ATG2A: variants seen among roughly 807,000 people sequenced by gnomAD.
The protein encoded by ATG2A is autophagy-related protein 2 homolog A.
ATG2A carries 103 observed loss-of-function variants against 214.2 expected under a neutral mutation model. The observed-to-expected ratio is 0.48, with a 90% CI of 0.41 to 0.57. ATG2A has a LOEUF of 0.57. ATG2A is among the 20% of genes least tolerant of loss of function. ATG2A has a pLI of 0.00. For synonymous variants in ATG2A, 1,160 were observed against 1,142.1 expected (o/e 1.02, Z -0.32); for missense variants, 2,312 against 2,613.2 (o/e 0.88, Z 2.51).
intron 24 of ATG2A, among the ~76,000 whole-genome samples, chr11:64,905,293 C>G (rs1944501733): frequency 6.6e-6 from 1 of 152,186 alleles, no homozygotes; most frequent in Non-Finnish European, 1.5e-5. Flanking sequence ...TTAACTTATA[C>G]TCCATAAGCA....
Position 64,907,562 on chromosome 11 carries a change from G to A in ATG2A, c.2610C>T (p.His870=), listed in dbSNP as rs199908819. Residue 870 remains histidine, a synonymous_variant, in exon 18 of 41, where the codon CAC becomes CAT. Coordinates refer to ENST00000377264, the MANE Select transcript of ATG2A (RefSeq NM_015104.3). The stretch of plus-strand genomic sequence containing the variant: ...CTGACTTGCACATCTTAAAGCTGTC[G>A]TGCCAGAAGCCTGAGGGGCCGGGGA... ...SGFPGPSGFW[H]DSFKMCKSAF... 9.3e-6 allele frequency: 15 copies of A among 1,611,724 alleles called. No homozygotes were observed. Among genetic ancestry groups the A allele is most frequent in the Middle Eastern group, 1.7e-4 (1 of 6,054 alleles).
At chr11:64,900,409 T>C in intron 31 of ATG2A, 85 bp downstream of exon 31, 1 of 1,591,248 alleles carries the variant, frequency 6.3e-7, no homozygotes, top group Admixed American at 1.7e-5. Context: ...TTCCTCTGCA[T>C]TAGTCATTGC....
At chr11:64,911,331 G>A in intron 9 of ATG2A, 56 bp from the exon 10 acceptor site, 2 of 1,562,154 alleles carry the variant, frequency 1.3e-6, no homozygotes, top group Non-Finnish European at 1.8e-6. Flanking sequence ...TACCCCAGGT[G>A]GAGCAATAGT....
chr11:64,897,458 G>T lies in ATG2A; in HGVS notation c.5104C>A (p.Leu1702Ile). ...FAGLLIGLAQLNCSELKLKRL... is the reference protein window; with the variant it reads ...FAGLLIGLAQINCSELKLKRL... ...TTTAGCTTCAGCTCGGAGCAGTTGA[G>T]TTGGGCCAGGCCGATGAGGAGGCCA... Residue 1702 changes from leucine (L) to isoleucine (I), a missense_variant, in exon 37 of 41, where the codon CTC becomes ATC. Transcript: ENST00000377264. The T allele has an allele frequency of 6.3e-7, 1 of 1,576,460 alleles. No homozygotes were observed. Among genetic ancestry groups the T allele is most frequent in the Non-Finnish European group, 8.6e-7 (1 of 1,160,806 alleles).
rs550555886 is a variant in ATG2A at position 64,902,058 on chromosome 11, T to G, written c.4023A>C (p.Ser1341=). The change falls in exon 29 of 41, where the codon TCA becomes TCC. Residue 1341 remains serine, a synonymous_variant. Transcript: ENST00000377264. ...GGPAGSLGSC[S]EEKEDEREEE... is the part of the protein sequence containing the mutation. ...CTTCCCTTTCATCTTCCTTCTCCTC[T>G]GAGCATGACCCTAAGCTGCCAGCAG... The G allele has an allele frequency of 1.7e-5, 28 of 1,614,046 alleles. No homozygotes were observed. The highest frequency in any genetic ancestry group is 2.2e-5 in the Non-Finnish European group (26 of 1,180,018).
Position 64,894,892 on chromosome 11 carries a change from G to A in ATG2A, c.*81C>T, listed in dbSNP as rs770154457. On this transcript the variant is annotated 3_prime_UTR_variant, in exon 41 of 41. Transcript: ENST00000377264. ...TGGCCATCCCCTGAAGGGCCAGGCC[G>A]GGCCGGGCCCGTGGGCTGCAGCTCT... is the stretch of plus-strand genomic sequence containing the variant. 6 of 1,529,624 alleles carry A rather than the reference G, an allele frequency of 3.9e-6. No homozygotes were observed. Among genetic ancestry groups the A allele is most frequent in the Non-Finnish European group, 4.5e-6 (5 of 1,112,784 alleles). The allele number at this position is 1,529,624 out of a possible 1,614,324, so 94.8% of individuals were successfully genotyped here. A position where few individuals can be genotyped will look rare whatever the true frequency, so the allele number is the denominator to read the frequency against.
intron 24 of ATG2A, among the ~76,000 whole-genome samples, chr11:64,905,132 G>A (rs36039272): frequency 8.5e-5 from 13 of 152,078 alleles, no homozygotes; most frequent in Non-Finnish European, 1.9e-4. Flanking sequence ...GGGATTACAG[G>A]TGTGAGCCAC....
At chr11:64,896,302 C>G (rs1382227414) in intron 39 of ATG2A, among the ~76,000 whole-genome samples, 160 bp downstream of exon 39, 2 of 152,240 alleles carry the variant, frequency 1.3e-5, no homozygotes. Context: ...AGGTCCCAGG[C>G]AAGTCACTTA....
chr11:64,914,187 T>C lies in ATG2A; in HGVS notation c.381A>G (p.Thr127=). 1 of 1,553,628 alleles carries C rather than the reference T, an allele frequency of 6.4e-7. No homozygotes were observed. Among genetic ancestry groups the C allele is most frequent in the Non-Finnish European group, 8.7e-7 (1 of 1,148,480 alleles). ...GACACTCCTGGGCCAGCTGCAGGCT[T>C]GTGGTCATGCATGAGGCCCAGCTCT... ...DSQSWASCMT[T]SLQLAQECLR... The change falls in exon 3 of 41, where the codon ACA becomes ACG. Residue 127 remains threonine, a synonymous_variant. Transcript: ENST00000377264.
In ATG2A at chr11:64,895,126, G is replaced by GC; in HGVS notation, c.5663dup (p.Val1889ArgfsTer67). On this transcript the variant is annotated frameshift_variant, in exon 41 of 41. Transcript: ENST00000377264. LOFTEE classifies it high-confidence loss of function. The surrounding 1 kb of genome is among the most constrained non-coding windows in gnomAD (Gnocchi z 5.0). ...CAGTCGGGGGCAGCTGGCGGATCAC[G>GC]CCCCCCACGGCGCCCGTCAGCCCCT... 1 of 1,612,962 alleles carries GC rather than the reference G, an allele frequency of 6.2e-7. No individual in the cohort carries two copies.
In ATG2A at chr11:64,896,740, AC is replaced by A; in HGVS notation, c.5272+7del. ...CAGTTTCGAGGGCTTCCAAACCTAG[AC>A]ACTCACAGAGCTGGACAACCGAGTG... On this transcript the variant is annotated splice_region_variant and intron_variant, in intron 38 of 40. Transcript: ENST00000377264. 1 of 1,613,932 alleles carries A rather than the reference AC, an allele frequency of 6.2e-7. No homozygotes were observed. The highest frequency in any genetic ancestry group is 8.5e-7 in the Non-Finnish European group (1 of 1,179,786).
Position 64,917,198 on chromosome 11 carries a change from C to G in ATG2A, c.-63G>C. 1 of 1,509,758 alleles carries G rather than the reference C, an allele frequency of 6.6e-7. No homozygotes were observed. The highest frequency in any genetic ancestry group is 1.2e-5 in the South Asian group (1 of 80,358). The allele number at this position is 1,509,758 out of a possible 1,614,324, so 93.5% of individuals were successfully genotyped here. ...GCCCGCCGGCGATCCCCGTCCGGCT[C>G]CGCTGTTCACTAGAGCCCCCGGCTC... On this transcript the variant is annotated 5_prime_UTR_variant, in exon 1 of 41. Coordinates refer to ENST00000377264, the MANE Select transcript of ATG2A (RefSeq NM_015104.3).
Position 64,904,146 on chromosome 11 carries a change from T to A in ATG2A, c.3465-486A>T, listed in dbSNP as rs750257438. On this transcript the variant is annotated intron_variant, in intron 24 of 40. Coordinates refer to ENST00000377264, the MANE Select transcript of ATG2A (RefSeq NM_015104.3). ...CTGTAATCCCAGCTACTTGGAAGGC[T>A]GAGGCAGGAGAATCTCTTGAACTAG... Among the ~76,000 whole-genome samples, 32 of 151,970 alleles carry A rather than the reference T, an allele frequency of 2.1e-4. 1 individual carries two copies. Among genetic ancestry groups the A allele is most frequent in the Non-Finnish European group, 2.6e-4 (18 of 67,994 alleles).
chr11:64,902,225 C>A (rs1300396579), intron 28 of ATG2A, 35 bp downstream of exon 28: 7 of 1,613,036 alleles, frequency 4.3e-6, no homozygotes, highest in Non-Finnish European at 5.9e-6. Context: ...GGGTGCCTGA[C>A]TGTGTCTGCT....
In ATG2A at chr11:64,903,511, G is replaced by A. The variant is rs1434014633; in HGVS notation, c.3535+79C>T. On this transcript the variant is annotated intron_variant, in intron 25 of 40. Coordinates refer to ENST00000377264, the MANE Select transcript of ATG2A (RefSeq NM_015104.3). The surrounding 1 kb of genome is among the most constrained non-coding windows in gnomAD (Gnocchi z 4.2). ...CTAAGGACCCGGCCAGCAGCTGCGG[G>A]GAGACACCTGGCTGCTCTGGGTGTG... 16 of 1,482,982 alleles carry A rather than the reference G, an allele frequency of 1.1e-5. No homozygotes were observed. Among genetic ancestry groups the A allele is most frequent in the African/African-American group, 1.4e-5 (1 of 72,048 alleles). The allele number at this position is 1,482,982 out of a possible 1,614,324, so 91.9% of individuals were successfully genotyped here.
At position 64,903,097 on chromosome 11, in the gene ATG2A, C is replaced by G. The variant is rs1266976792; in HGVS notation, c.3612+191G>C. Among the ~76,000 whole-genome samples the G allele has an allele frequency of 6.6e-6, 1 of 152,172 alleles. No homozygotes were observed. The highest frequency in any genetic ancestry group is 1.5e-5 in the Non-Finnish European group (1 of 68,016). ...GCTGAAACCCATTCATTCATTCAGC[C>G]AGCATCAAGGGACACCCCCACCAGG... On this transcript the variant is annotated intron_variant, in intron 26 of 40. Transcript: ENST00000377264. This position sits in a 1 kb window ranked among gnomAD's most constrained non-coding sequence, Gnocchi z 4.2.
chr11:64,909,674 C>T lies in ATG2A; in HGVS notation c.2107+7G>A. On this transcript the variant is annotated splice_region_variant and intron_variant, in intron 14 of 40. Coordinates refer to ENST00000377264, the MANE Select transcript of ATG2A (RefSeq NM_015104.3). ...TGCCCCAAGTTCTGTCACTCGGGGG[C>T]TCTCACCATGTAGGTCGGAGCAGGT... 6.2e-7 allele frequency: 1 copy of T among 1,609,914 alleles called. No homozygotes were observed. Among genetic ancestry groups the T allele is most frequent in the Non-Finnish European group, 8.5e-7 (1 of 1,178,060 alleles).
rs1390476568 is a variant in ATG2A at position 64,894,996 on chromosome 11, G to A, written c.5794C>T (p.Arg1932Cys). ...GCTCAGTCTTGGGCACTGTCCGAGC[G>A]CCACTTGAGGGCGTGGTCCTTGTGG... ...DAHKDHALKW[R>C]SDSAQD The change falls in exon 41 of 41, where the codon CGC (arginine) becomes TGC (cysteine). Residue 1932 changes from arginine to cysteine, a missense_variant. Arg to Cys is a radical substitution (Grantham distance 180). Transcript: ENST00000377264. The A allele has an allele frequency of 5.6e-6, 9 of 1,612,186 alleles. No individual in the cohort carries two copies. The highest frequency in any genetic ancestry group is 6.8e-6 in the Non-Finnish European group (8 of 1,179,012).
At chr11:64,897,769 G>A in intron 35 of ATG2A, 26 bp from the exon 36 acceptor site, 1 of 1,614,212 alleles carries the variant, frequency 6.2e-7, no homozygotes, top group Non-Finnish European at 8.5e-7. Context: ...GGAAGAGGGG[G>A]TTCTTTGCTC....
Sources: gnomAD v4.1 joint callset for allele counts (sites outside exome capture counted in the v4.1 genomes callset) on GRCh38, gnomAD v4.1.1 for gene constraint, Gnocchi (gnomAD v3.1) non-coding constraint, MANE v1.5 for transcripts, NCBI Gene and HGNC (gene_info 2026-07-23, HGNC 2026-07-21) for gene names.